CCDC149: variants seen among roughly 807,000 people sequenced by gnomAD.
CCDC149 encodes coiled-coil domain containing 149.
A neutral mutation model predicts 59.9 loss-of-function variants in CCDC149; 45 were observed. The observed-to-expected ratio is 0.75, with a 90% CI of 0.59 to 0.96. CCDC149 has a LOEUF of 0.96. Among genes scored for constraint, CCDC149 ranks in the 40% least tolerant of loss-of-function variants. CCDC149 has a pLI of 0.00. For missense variants in CCDC149, 584 were observed against 664.7 expected (o/e 0.88, Z 1.33); for synonymous variants, 245 against 260.6 (o/e 0.94, Z 0.58).
intron 1 of CCDC149, among the ~76,000 whole-genome samples, chr4:24,979,650 G>GAAA (rs1054067086): frequency 6.6e-6 from 1 of 152,178 alleles, no homozygotes; most frequent in African/African-American, 2.4e-5. Context: ...TCAAAATCAG[G>GAAA]AAACAGGGCT....
At chr4:24,945,369 C>G (rs1321187637) in intron 1 of CCDC149, among the ~76,000 whole-genome samples, 1 of 152,132 alleles carries the variant, frequency 6.6e-6, no homozygotes, top group Non-Finnish European at 1.5e-5. Flanking sequence ...TCCAGAGACA[C>G]ATAAGGAGGT....
intron 3 of CCDC149, among the ~76,000 whole-genome samples, chr4:24,867,758 G>T (rs1718788159): frequency 6.6e-6 from 1 of 152,208 alleles, no homozygotes; most frequent in Non-Finnish European, 1.5e-5. Flanking sequence ...CAGAGAAACG[G>T]AACTGAATCA....
At chr4:24,951,094 C>G (rs957186442) in intron 1 of CCDC149, among the ~76,000 whole-genome samples, 5 of 152,242 alleles carry the variant, frequency 3.3e-5, no homozygotes, top group African/African-American at 1.2e-4. Flanking sequence ...AAATCGCTAC[C>G]TGCAGTGGGT....
At chr4:24,825,476 C>A (rs960548121) in intron 9 of CCDC149, among the ~76,000 whole-genome samples, 1 of 152,142 alleles carries the variant, frequency 6.6e-6, no homozygotes, top group Non-Finnish European at 1.5e-5. Context: ...GGCAAAAACA[C>A]AGGCTTGAAA....
chr4:24,841,540 G>C (rs1318271379), intron 4 of CCDC149, among the ~76,000 whole-genome samples: 2 of 152,230 alleles, frequency 1.3e-5, no homozygotes, highest in Non-Finnish European at 1.5e-5. Context: ...TGAGGCCCAA[G>C]TTGGTAATAG....
intron 1 of CCDC149, among the ~76,000 whole-genome samples, chr4:24,942,391 G>A (rs1302703213): frequency 3.9e-5 from 6 of 151,952 alleles, no homozygotes; most frequent in Non-Finnish European, 5.9e-5. Context: ...TTGATGAGAC[G>A]TATCTCAAAA....
At chr4:24,877,511 T>G (rs1460875003) in intron 1 of CCDC149, among the ~76,000 whole-genome samples, 1 of 151,724 alleles carries the variant, frequency 6.6e-6, no homozygotes, top group Non-Finnish European at 1.5e-5. Flanking sequence ...AAAAAAAAAA[T>G]GCCCAAAAAG....
chr4:24,917,193 C>A (rs891281136), upstream of CCDC149, among the ~76,000 whole-genome samples: 3 of 152,226 alleles, frequency 2.0e-5, no homozygotes, highest in Non-Finnish European at 2.9e-5. Context: ...GTCTCTTAGA[C>A]CCCTGAGCTC....
At chr4:24,895,034 G>A in intron 1 of CCDC149, 1 of 1,457,812 alleles carries the variant, frequency 6.9e-7, no homozygotes. Context: ...TGATGATGAT[G>A]ACGACGACGA....
chr4:24,851,590 A>G (rs1258295081), intron 4 of CCDC149, among the ~76,000 whole-genome samples: 1 of 152,254 alleles, frequency 6.6e-6, no homozygotes, highest in Non-Finnish European at 1.5e-5. Context: ...AATAAAATAG[A>G]AAAAATATGT....
At chr4:24,833,746 G>A (rs762512295) in intron 8 of CCDC149, among the ~76,000 whole-genome samples, 5 of 152,184 alleles carry the variant, frequency 3.3e-5, no homozygotes, top group Non-Finnish European at 7.3e-5. Flanking sequence ...AATGTATGAA[G>A]AACTGTTTTG....
intron 4 of CCDC149, among the ~76,000 whole-genome samples, chr4:24,852,043 T>C (rs1345873390): frequency 6.6e-6 from 1 of 151,798 alleles, no homozygotes; most frequent in East Asian, 1.9e-4. Context: ...TAGATGTTTA[T>C]ATGCCCTCAA....
chr4:24,804,807 C>T (rs1365947718), downstream of CCDC149, among the ~76,000 whole-genome samples: 1 of 152,008 alleles, frequency 6.6e-6, no homozygotes, highest in Admixed American at 6.6e-5. Context: ...CACTTTGCAT[C>T]GTGATGGTGG....
chr4:24,940,084 A>G (rs916457695), intron 1 of CCDC149, among the ~76,000 whole-genome samples: 9 of 152,206 alleles, frequency 5.9e-5, no homozygotes, highest in Non-Finnish European at 1.3e-4. Context: ...ACTCCAAGAC[A>G]CATAATTGTC....
At chr4:24,874,548 C>A (rs375386411) in intron 2 of CCDC149, among the ~76,000 whole-genome samples, 2 of 152,052 alleles carry the variant, frequency 1.3e-5, no homozygotes, top group African/African-American at 4.8e-5. Flanking sequence ...CACCACTGCA[C>A]TCCAGCCTGG....
intron 3 of CCDC149, among the ~76,000 whole-genome samples, chr4:24,866,005 A>C (rs1349912327): frequency 6.6e-6 from 1 of 152,206 alleles, no homozygotes; most frequent in Non-Finnish European, 1.5e-5. Context: ...AAAAAGAAAC[A>C]TCTCAAAGCA....
chr4:24,977,884 G>A (rs1405914608), intron 1 of CCDC149, among the ~76,000 whole-genome samples: 2 of 152,206 alleles, frequency 1.3e-5, no homozygotes, highest in East Asian at 3.8e-4. Flanking sequence ...TGTAATCCCA[G>A]CAGTTTAATA....
At chr4:24,898,110 A>C (rs4697494) in intron 1 of CCDC149, among the ~76,000 whole-genome samples, 4,112 of 152,278 alleles carry the variant, frequency 0.027, 158 homozygotes, top group Admixed American at 0.072. Flanking sequence ...CATCATGTTG[A>C]CAGTCAGCAG....
chr4:24,978,551 T>A (rs1290168906), intron 1 of CCDC149, among the ~76,000 whole-genome samples: 1 of 151,814 alleles, frequency 6.6e-6, no homozygotes, highest in Non-Finnish European at 1.5e-5. Context: ...TCTGGAGGAG[T>A]CAGAAAAATC....
Sources: gnomAD v4.1 joint callset for allele counts (sites outside exome capture counted in the v4.1 genomes callset) on GRCh38, gnomAD v4.1.1 for gene constraint, MANE v1.5 for transcripts, NCBI Gene and HGNC (gene_info 2026-07-23, HGNC 2026-07-21) for gene names.